Variants in NOX3 observed in about 807,000 individuals in gnomAD.
The protein encoded by NOX3 is NADPH oxidase catalytic subunit-like 3.
Under a neutral mutation model 76.7 loss-of-function variants are expected in NOX3, and 74 were observed. The ratio of observed to expected loss-of-function variants is 0.96; its 90% confidence interval spans 0.80 to 1.17. The LOEUF (loss-of-function observed/expected upper bound fraction) is 1.17, where lower values mean the gene tolerates loss of function less well. Among genes scored for constraint, NOX3 ranks in the 50% most tolerant of loss-of-function variants. The pLI, the probability that NOX3 is intolerant of heterozygous loss-of-function variation, is 0.00. For synonymous variants in NOX3, 263 were observed against 261.1 expected, an observed-to-expected ratio of 1.01 and a Z score of -0.07; for missense variants, 695 against 703.3, an observed-to-expected ratio of 0.99 and a Z score of 0.13.
At chr6:155,422,920 C>A in intron 9 of NOX3, 64 bp from the exon 10 acceptor site, 1 of 1,548,292 alleles carries the variant, frequency 6.5e-7, no homozygotes, top group Non-Finnish European at 8.9e-7. Context: ...AACCCAGAAC[C>A]ATCCGGAGCT....
At chr6:155,449,298 T>C (rs2235673) in intron 4 of NOX3, among the ~76,000 whole-genome samples, 26,697 of 152,090 alleles carry the variant, frequency 0.18, 2,817 homozygotes, top group East Asian at 0.39. Context: ...AGCTGCCGAC[T>C]CTGCCAGGGA....
At chr6:155,396,618 A>T (rs1000757122) in intron 13 of NOX3, among the ~76,000 whole-genome samples, 191 bp downstream of exon 13, 7 of 152,240 alleles carry the variant, frequency 4.6e-5, no homozygotes, top group Non-Finnish European at 7.3e-5. Context: ...GTCCATCAGT[A>T]AAATATTATT....
intron 10 of NOX3, among the ~76,000 whole-genome samples, chr6:155,417,937 T>C (rs895148972): frequency 6.6e-6 from 1 of 152,202 alleles, no homozygotes; most frequent in Non-Finnish European, 1.5e-5. Context: ...ATCATGGTTA[T>C]ATATTATGGA....
intron 12 of NOX3, 68 bp downstream of exon 12, chr6:155,407,062 C>A: frequency 5.7e-6 from 9 of 1,579,604 alleles, no homozygotes; most frequent in Non-Finnish European, 7.8e-6. Context: ...ATTAACTTTT[C>A]ACTCCAGCAG....
intron 10 of NOX3, among the ~76,000 whole-genome samples, chr6:155,416,482 A>C (rs1776622726): frequency 1.3e-5 from 2 of 149,104 alleles, no homozygotes; most frequent in Non-Finnish European, 3.0e-5. Context: ...TGATAAGCCT[A>C]CCTAATGTGT....
chr6:155,398,398 TAGA>T, intron 12 of NOX3, among the ~76,000 whole-genome samples: 2 of 152,284 alleles, frequency 1.3e-5, no homozygotes, highest in Admixed American at 1.3e-4. Flanking sequence ...GAAGTGCCTA[TAGA>T]GCCTAGTTCT....
chr6:155,454,279 TA>T (rs1412321450), intron 3 of NOX3, among the ~76,000 whole-genome samples: 1 of 152,216 alleles, frequency 6.6e-6, no homozygotes, highest in African/African-American at 2.4e-5. Flanking sequence ...TTTTACCTGG[TA>T]AAAGTTTTTG....
At chr6:155,432,685 C>T in intron 7 of NOX3, among the ~76,000 whole-genome samples, 1 of 152,164 alleles carries the variant, frequency 6.6e-6, no homozygotes, top group Non-Finnish European at 1.5e-5. Flanking sequence ...CTCTTGGCCT[C>T]ATAAAAGCTA....
At chr6:155,398,999 G>T (rs1181555192) in intron 12 of NOX3, among the ~76,000 whole-genome samples, 1 of 152,176 alleles carries the variant, frequency 6.6e-6, no homozygotes, top group African/African-American at 2.4e-5. Flanking sequence ...CTGAACAGAA[G>T]AGGTGGTGCG....
intron 4 of NOX3, among the ~76,000 whole-genome samples, chr6:155,444,458 T>C (rs1270141591): frequency 6.6e-6 from 1 of 152,110 alleles, no homozygotes; most frequent in East Asian, 1.9e-4. Context: ...AGCGGAAAAG[T>C]AGTGATGCTG....
chr6:155,420,268 AAT>A (rs1776672373), intron 10 of NOX3, among the ~76,000 whole-genome samples: 1 of 152,186 alleles, frequency 6.6e-6, no homozygotes, highest in Non-Finnish European at 1.5e-5. Context: ...TTAGTGAGTG[AAT>A]GAAAATGAGA....
chr6:155,438,929 GGTGTTGA>G, intron 6 of NOX3, among the ~76,000 whole-genome samples: 1 of 152,312 alleles, frequency 6.6e-6, no homozygotes, highest in South Asian at 2.1e-4. Context: ...CATTCTTGCT[GGTGTTGA>G]GGAAGGTTTA....
chr6:155,444,068 G>A (rs1051840013), intron 4 of NOX3, among the ~76,000 whole-genome samples: 1 of 152,158 alleles, frequency 6.6e-6, no homozygotes, highest in African/African-American at 2.4e-5. Flanking sequence ...TGTATATAAT[G>A]TAAATGATAG....
intron 10 of NOX3, among the ~76,000 whole-genome samples, chr6:155,421,207 A>G (rs1474764379): frequency 6.6e-6 from 1 of 152,214 alleles, no homozygotes; most frequent in African/African-American, 2.4e-5. Context: ...CCTAAGTTTG[A>G]ATCCTGATTC....
intron 10 of NOX3, among the ~76,000 whole-genome samples, chr6:155,420,500 T>A (rs1776675762): frequency 6.6e-6 from 1 of 152,124 alleles, no homozygotes. Flanking sequence ...GTTAAATATA[T>A]TATGGCGTAG....
chr6:155,431,264 G>A (rs939935704), intron 7 of NOX3, among the ~76,000 whole-genome samples: 1 of 152,098 alleles, frequency 6.6e-6, no homozygotes, highest in African/African-American at 2.4e-5. Flanking sequence ...ATATGATAGG[G>A]TCGTAAATGC....
chr6:155,435,403 A>C (rs1776888204), intron 7 of NOX3, among the ~76,000 whole-genome samples: 1 of 152,164 alleles, frequency 6.6e-6, no homozygotes, highest in Non-Finnish European at 1.5e-5. Context: ...GAGACAATCT[A>C]TACCGGCCAT....
intron 12 of NOX3, among the ~76,000 whole-genome samples, chr6:155,404,743 T>C (rs1378055855): frequency 1.3e-5 from 2 of 152,140 alleles, no homozygotes. Context: ...TAAACACTCC[T>C]GTTTCTCTAC....
chr6:155,418,668 A>G (rs761767701), intron 10 of NOX3, among the ~76,000 whole-genome samples: 4 of 151,416 alleles, frequency 2.6e-5, no homozygotes, highest in Admixed American at 6.6e-5. Flanking sequence ...GGAAAGTACT[A>G]CTTATGACGC....
Sources: gnomAD v4.1 joint callset for allele counts (sites outside exome capture counted in the v4.1 genomes callset) on GRCh38, gnomAD v4.1.1 for gene constraint, MANE v1.5 for transcripts, NCBI Gene and HGNC (gene_info 2026-07-23, HGNC 2026-07-21) for gene names.